Variants in MYO10 observed in about 807,000 individuals in gnomAD.
MYO10 encodes unconventional myosin-X.
MYO10 carries 133 observed loss-of-function variants against 257.3 expected under a neutral mutation model. The ratio of observed to expected loss-of-function variants is 0.52; its 90% CI spans 0.45 to 0.60. The LOEUF (loss-of-function observed/expected upper bound fraction) is 0.60, where lower values mean the gene tolerates loss of function less well. MYO10 is among the 20% of genes least tolerant of loss of function. The pLI is 0.00. For synonymous variants in MYO10, 1,104 were observed against 1,028.6 expected, an observed-to-expected ratio of 1.07 and a Z score of -1.40; for missense variants, 2,399 against 2,635.7, an observed-to-expected ratio of 0.91 and a Z score of 1.97.
intron 15 of MYO10, 128 bp downstream of exon 15, chr5:16,762,417 T>C (rs1397146321): frequency 2.5e-6 from 2 of 796,050 alleles, no homozygotes; most frequent in Non-Finnish European, 3.9e-6. Context: ...GAAGAACAGC[T>C]TTGGTTTGAG....
chr5:16,766,531 G>C, intron 10 of MYO10, among the ~76,000 whole-genome samples: 1 of 151,892 alleles, frequency 6.6e-6, no homozygotes, highest in East Asian at 1.9e-4. Flanking sequence ...CCGGGTTCAC[G>C]CCATTCTCCT....
At chr5:16,792,132 CAGAGAGAGAG>C (rs1553996647) in intron 4 of MYO10, among the ~76,000 whole-genome samples, 7 of 75,382 alleles carry the variant, frequency 9.3e-5, no homozygotes, top group South Asian at 4.1e-4. Flanking sequence ...CACACACACA[CAGAGAGAGAG>C]AGAGAGAGAG....
At chr5:16,841,145 CAAA>C (rs76124360) in intron 2 of MYO10, among the ~76,000 whole-genome samples, 4 of 94,518 alleles carry the variant, frequency 4.2e-5, no homozygotes, top group African/African-American at 1.2e-4. Context: ...AAATGCATCT[CAAA>C]AAAAAAAAAA....
In MYO10 at chr5:16,719,989, C is replaced by CGCGT. The variant is rs1554039264; in HGVS notation, c.1930-8745_1930-8744insACGC. On this transcript the variant is annotated intron_variant, in intron 19 of 40. Coordinates refer to ENST00000513610, the MANE Select transcript of MYO10 (RefSeq NM_012334.3). ...CTAAAGAAATAAATGTGTGTGCGTG[C>CGCGT]GTGTGTGTGTGTGTGTGTGTGTGTG... Among the ~76,000 whole-genome samples, 3 of 143,442 alleles carry CGCGT rather than the reference C, an allele frequency of 2.1e-5. No homozygotes were observed. In the East Asian group the frequency reaches 6.2e-4, roughly 30 times the overall value. The allele number at this position is 143,442 out of a possible 152,430, so 94.1% of individuals were successfully genotyped here.
chr5:16,708,381 C>T (rs1738440966), intron 21 of MYO10, among the ~76,000 whole-genome samples: 1 of 152,190 alleles, frequency 6.6e-6, no homozygotes, highest in Admixed American at 6.5e-5. Context: ...GTCTCTGTGT[C>T]CCCTATGCTA....
At chr5:16,926,290 A>G (rs1411319012) in intron 1 of MYO10, among the ~76,000 whole-genome samples, 4 of 152,256 alleles carry the variant, frequency 2.6e-5, no homozygotes, top group East Asian at 1.9e-4. Flanking sequence ...TCAATAATCT[A>G]TCATATGCAA....
intron 2 of MYO10, among the ~76,000 whole-genome samples, chr5:16,861,274 GA>G (rs1459841388): frequency 6.7e-6 from 1 of 149,632 alleles, no homozygotes; most frequent in African/African-American, 2.5e-5. Context: ...AAAAAGTGAA[GA>G]AAAAAAGCAG....
chr5:16,914,712 G>C (rs1156778074), intron 1 of MYO10, among the ~76,000 whole-genome samples: 1 of 152,170 alleles, frequency 6.6e-6, no homozygotes, highest in Non-Finnish European at 1.5e-5. Context: ...TATCGCACTA[G>C]AAAAAGTCCA....
At chr5:16,835,512 T>TTG (rs1743287849) in intron 2 of MYO10, among the ~76,000 whole-genome samples, 2 of 147,402 alleles carry the variant, frequency 1.4e-5, no homozygotes. Flanking sequence ...TTTTTTTTTT[T>TTG]TTTGGTGAGA....
rs184906807 is a variant in MYO10 at position 16,835,833 on chromosome 5, A to G, written c.121-17666T>C. 1.3e-3 allele frequency among the ~76,000 whole-genome samples: 190 copies of G among 151,382 alleles called. 1 individual carries two copies. The highest frequency in any genetic ancestry group is 4.3e-3 in the African/African-American group (177 of 41,316). On this transcript the variant is annotated intron_variant, in intron 2 of 40. Coordinates refer to ENST00000513610, the MANE Select transcript of MYO10 (RefSeq NM_012334.3). ...TTTAAAAAAAAAAAAGACATTTTTG[A>G]TAACAAAAACATTAATATCATGCTC...
intron 2 of MYO10, among the ~76,000 whole-genome samples, chr5:16,852,045 C>T (rs1377684968): frequency 7.1e-5 from 6 of 84,790 alleles, no homozygotes; most frequent in Admixed American, 1.6e-4. Flanking sequence ...AGCAAGACTC[C>T]ATCTCAAAAA....
At chr5:16,918,500 C>CT (rs5866221) in intron 1 of MYO10, among the ~76,000 whole-genome samples, 92,366 of 117,472 alleles carry the variant, frequency 0.79, 36,567 homozygotes, top group East Asian at 0.91. Flanking sequence ...TTTTTCTTTT[C>CT]TTTTTTTTTT....
chr5:16,838,978 A>G (rs375023200), intron 2 of MYO10, among the ~76,000 whole-genome samples: 1 of 152,226 alleles, frequency 6.6e-6, no homozygotes. Flanking sequence ...CTTTCAAAAT[A>G]TTACTGCTCA....
rs1324163474 is a variant in MYO10, at chr5:16,704,683, G to C, written c.2172C>G (p.Val724=). 1.2e-6 allele frequency: 2 copies of C among 1,613,314 alleles called. No homozygotes were observed. The highest frequency in any genetic ancestry group is 2.2e-5 in the East Asian group (1 of 44,880). The change falls in exon 22 of 41, where the codon GTC becomes GTG. Residue 724 remains valine, a splice_region_variant and synonymous_variant. Coordinates refer to ENST00000513610, the MANE Select transcript of MYO10 (RefSeq NM_012334.3). ...TCTGTTCCAAGGATTCTCGAAGAAA[G>C]ACCTGCTCAGGACGGAGTCACATGT... is the stretch of plus-strand genomic sequence containing the variant. ...NSEWQLGKTK[V]FLRESLEQKL...
Position 16,711,036 on chromosome 5 carries a change from A to G in MYO10, c.2055-14T>C, listed in dbSNP as rs1162192991. ...AGCACTTTATACCTGCAACGTGAAG[A>G]CACACAGGGTCACCTTCTGCGATGG... On this transcript the variant is annotated splice_polypyrimidine_tract_variant and intron_variant, in intron 20 of 40. Coordinates refer to ENST00000513610, the MANE Select transcript of MYO10 (RefSeq NM_012334.3). The G allele has an allele frequency of 5.6e-6, 9 of 1,613,868 alleles. No homozygotes were observed. The highest frequency in any genetic ancestry group is 7.6e-6 in the Non-Finnish European group (9 of 1,179,734).
intron 2 of MYO10, among the ~76,000 whole-genome samples, chr5:16,823,049 G>C (rs1742876457): frequency 6.6e-6 from 1 of 152,078 alleles, no homozygotes; most frequent in Non-Finnish European, 1.5e-5. Context: ...TTTCTTAAGA[G>C]AGATTCTTGA....
chr5:16,748,132 C>T (rs368887003), intron 19 of MYO10, among the ~76,000 whole-genome samples: 114 of 152,164 alleles, frequency 7.5e-4, no homozygotes, highest in East Asian at 2.9e-3. Context: ...TGCACTGGTG[C>T]GATCTCGGCT....
intron 2 of MYO10, among the ~76,000 whole-genome samples, chr5:16,871,854 C>T (rs1744464362): frequency 1.3e-5 from 2 of 152,150 alleles, no homozygotes; most frequent in Admixed American, 6.6e-5. Context: ...TCTCATAACC[C>T]CGCAATTCCT....
chr5:16,742,261 G>C, intron 19 of MYO10: 4 of 984,524 alleles, frequency 4.1e-6, no homozygotes, highest in Non-Finnish European at 4.8e-6. Flanking sequence ...AATTTATCCT[G>C]ATCTCTACAG....
Sources: gnomAD v4.1 joint callset for allele counts (sites outside exome capture counted in the v4.1 genomes callset) on GRCh38, gnomAD v4.1.1 for gene constraint, MANE v1.5 for transcripts, NCBI Gene and HGNC (gene_info 2026-07-23, HGNC 2026-07-21) for gene names.